Variants in LSAMP observed in about 807,000 individuals in gnomAD.
LSAMP encodes limbic system associated membrane protein, also known as limbic system-associated membrane protein.
LSAMP carries 7 observed loss-of-function variants against 38.6 expected under a neutral mutation model. The observed-to-expected ratio is 0.18, with a 90% CI of 0.10 to 0.34. The LOEUF (loss-of-function observed/expected upper bound fraction) is 0.34. LSAMP is among the 10% of genes least tolerant of loss of function. LSAMP has a pLI of 1.00. For synonymous variants in LSAMP, 154 were observed against 166.8 expected (o/e 0.92, Z 0.59); for missense variants, 313 against 420.0 (o/e 0.75, Z 2.23).
chr3:116,233,571 C>T lies in LSAMP; in HGVS notation c.156-147015G>A, dbSNP rs372966391. On this transcript the variant is annotated intron_variant, in intron 1 of 6. Transcript: ENST00000490035. ...CACCAAACACTAGCTCTTATTCCTT[C>T]CATCTAACTATATTTCTGCACCTAT... is the stretch of plus-strand genomic sequence containing the variant. Among the ~76,000 whole-genome samples, 25 of 152,220 alleles carry T rather than the reference C, an allele frequency of 1.6e-4. 1 individual carries two copies. In the East Asian group the frequency reaches 4.2e-3, roughly 26 times the overall value.
intron 3 of LSAMP, among the ~76,000 whole-genome samples, chr3:116,001,398 C>T (rs1403118492): frequency 1.3e-5 from 2 of 152,178 alleles, no homozygotes; most frequent in African/African-American, 4.8e-5. Flanking sequence ...TTATTTCCTT[C>T]CAGAAAAGCT....
At chr3:116,058,390 C>A (rs928239738) in intron 2 of LSAMP, among the ~76,000 whole-genome samples, 2 of 150,784 alleles carry the variant, frequency 1.3e-5, no homozygotes, top group Admixed American at 6.6e-5. Context: ...ACCAGAGGAA[C>A]ACTTAACATA....
At chr3:116,208,842 G>T (rs1179455269) in intron 1 of LSAMP, among the ~76,000 whole-genome samples, 4 of 152,200 alleles carry the variant, frequency 2.6e-5, no homozygotes, top group African/African-American at 9.6e-5. Context: ...AGAGTTTACT[G>T]CTGTCTTTTT....
At chr3:116,167,739 A>G (rs1236725572) in intron 1 of LSAMP, among the ~76,000 whole-genome samples, 2 of 152,216 alleles carry the variant, frequency 1.3e-5, no homozygotes, top group East Asian at 3.8e-4. Flanking sequence ...GCTATTCTCA[A>G]CACCTCTCAG....
intron 3 of LSAMP, among the ~76,000 whole-genome samples, chr3:115,885,455 G>T (rs1158269065): frequency 2.0e-5 from 3 of 151,846 alleles, no homozygotes; most frequent in Admixed American, 6.6e-5. Context: ...TAGTTCTGAA[G>T]AAAAACTAGA....
chr3:116,418,030 A>G (rs1238438302), intron 1 of LSAMP, among the ~76,000 whole-genome samples: 1 of 152,230 alleles, frequency 6.6e-6, no homozygotes, highest in African/African-American at 2.4e-5. Flanking sequence ...TGCAATCTTA[A>G]AAAGTTGTGC....
chr3:116,154,034 C>T (rs1002853891), intron 1 of LSAMP, among the ~76,000 whole-genome samples: 2 of 152,060 alleles, frequency 1.3e-5, no homozygotes, highest in African/African-American at 4.8e-5. Context: ...TAGTCTATGA[C>T]ATAAGCAACA....
intron 3 of LSAMP, among the ~76,000 whole-genome samples, chr3:115,907,042 T>C (rs1937024041): frequency 6.6e-6 from 1 of 152,164 alleles, no homozygotes; most frequent in South Asian, 2.1e-4. Flanking sequence ...TTTTAAAAAC[T>C]GCACCAGTCA....
At chr3:116,138,032 T>G (rs1709288879) in intron 1 of LSAMP, among the ~76,000 whole-genome samples, 1 of 152,166 alleles carries the variant, frequency 6.6e-6, no homozygotes, top group Non-Finnish European at 1.5e-5. Flanking sequence ...GTTGTTCACA[T>G]ACAGATCACC....
intron 2 of LSAMP, among the ~76,000 whole-genome samples, chr3:116,061,394 C>T (rs1941592113): frequency 6.6e-6 from 1 of 151,492 alleles, no homozygotes; most frequent in Admixed American, 6.6e-5. Flanking sequence ...GAGGGAATAG[C>T]CTGTCATGGC....
intron 1 of LSAMP, among the ~76,000 whole-genome samples, chr3:116,230,299 C>G (rs2046389102): frequency 6.6e-6 from 1 of 151,942 alleles, no homozygotes. Context: ...GTTGGGCAGT[C>G]CTTCCTAGTT....
At chr3:116,001,184 AGAAAAGAAAAAAAG>A (rs928381516) in intron 3 of LSAMP, among the ~76,000 whole-genome samples, 7 of 152,318 alleles carry the variant, frequency 4.6e-5, no homozygotes, top group Middle Eastern at 3.4e-3. Flanking sequence ...ATACAAAAAA[AGAAAAGAAAAAAAG>A]GAAAAGAAAA....
Position 116,149,168 on chromosome 3 carries a change from C to G in LSAMP, c.156-62612G>C, listed in dbSNP as rs139655988. Among the ~76,000 whole-genome samples the G allele has an allele frequency of 2.9e-4, 44 of 152,052 alleles. No individual in the cohort carries two copies. The East Asian group carries it at 8.4e-3, about 29-fold the overall frequency. ...GGTGAACAGTTCACAGTATGGCCCT[C>G]ATGCCCTCAATGTGCAGACTCCAGG... On this transcript the variant is annotated intron_variant, in intron 1 of 6. Coordinates refer to ENST00000490035, the MANE Select transcript of LSAMP (RefSeq NM_002338.5).
intron 6 of LSAMP, among the ~76,000 whole-genome samples, chr3:115,826,156 C>T (rs1934402158): frequency 6.7e-6 from 1 of 150,074 alleles, no homozygotes; most frequent in African/African-American, 2.5e-5. Context: ...GATCTGTCAC[C>T]CAGGCTGGAG....
intron 3 of LSAMP, among the ~76,000 whole-genome samples, chr3:115,988,498 C>T (rs1038796280): frequency 1.3e-5 from 2 of 152,074 alleles, no homozygotes; most frequent in African/African-American, 4.8e-5. Context: ...TATGAGGTCT[C>T]ACTGTGTTGC....
chr3:116,435,556 G>A, intron 1 of LSAMP, among the ~76,000 whole-genome samples: 1 of 151,968 alleles, frequency 6.6e-6, no homozygotes, highest in South Asian at 2.1e-4. Flanking sequence ...CTTGTCCTGC[G>A]TGCCACACCA....
At chr3:115,835,952 G>T (rs148538538) in intron 6 of LSAMP, among the ~76,000 whole-genome samples, 2 of 152,252 alleles carry the variant, frequency 1.3e-5, no homozygotes, top group African/African-American at 4.8e-5. Context: ...TAGCTAAACT[G>T]CTTTTAGCAT....
chr3:116,275,779 C>T (rs909925250), intron 1 of LSAMP, among the ~76,000 whole-genome samples: 17 of 151,852 alleles, frequency 1.1e-4, no homozygotes, highest in African/African-American at 3.9e-4. Context: ...TCTCTAATTC[C>T]TACTTCTCTT....
intron 3 of LSAMP, among the ~76,000 whole-genome samples, chr3:116,000,768 C>T (rs372312633): frequency 9.0e-4 from 137 of 152,266 alleles, no homozygotes; most frequent in Non-Finnish European, 1.4e-3. Flanking sequence ...GGACACCCCA[C>T]ATGCTCACCA....
Sources: gnomAD v4.1 joint callset for allele counts (sites outside exome capture counted in the v4.1 genomes callset) on GRCh38, gnomAD v4.1.1 for gene constraint, MANE v1.5 for transcripts, NCBI Gene and HGNC (gene_info 2026-07-23, HGNC 2026-07-21) for gene names.